SIN3A: variants seen among roughly 807,000 people sequenced by gnomAD.
SIN3A encodes the protein paired amphipathic helix protein Sin3a.
Under a neutral mutation model 146.1 loss-of-function variants are expected in SIN3A, and 14 were observed. The observed-to-expected ratio is 0.10, with a 90% CI of 0.06 to 0.15. The LOEUF (loss-of-function observed/expected upper bound fraction) is 0.15, where lower values mean the gene tolerates loss of function less well. SIN3A is among the 10% of genes least tolerant of loss of function. The pLI is 1.00. For synonymous variants in SIN3A, 572 were observed against 572.0 expected (o/e 1.00, Z 0.00); for missense variants, 1,028 against 1,576.0 (o/e 0.65, Z 5.89).
At chr15:75,417,250 T>C (rs1191568539) in intron 3 of SIN3A, among the ~76,000 whole-genome samples, 2 of 152,172 alleles carry the variant, frequency 1.3e-5, no homozygotes, top group Admixed American at 6.5e-5. Context: ...TGTTTCCTAT[T>C]TACTCTGAGA....
intron 20 of SIN3A, among the ~76,000 whole-genome samples, chr15:75,374,369 C>T (rs1023419932): frequency 6.6e-6 from 1 of 152,194 alleles, no homozygotes; most frequent in Non-Finnish European, 1.5e-5. Context: ...GTTTGAGACA[C>T]AGCGAAACTC....
intron 3 of SIN3A, among the ~76,000 whole-genome samples, chr15:75,417,906 C>G (rs1040250652): frequency 6.6e-6 from 1 of 152,170 alleles, no homozygotes; most frequent in Admixed American, 6.5e-5. Context: ...TTAGTCCCTT[C>G]GGCCCTTCTC....
chr15:75,430,223 A>G lies in SIN3A; in HGVS notation c.153T>C (p.Ala51=), dbSNP rs746384066. ...GTGTTACAGAGTACTGAATTCCCGT[A>G]GCTGACTGCATGGTCTCAGACACTG... ...YEAVSETMQS[A]TGIQYSVTPS... is the part of the protein sequence containing the mutation. The change falls in exon 2 of 21, where the codon GCT becomes GCC. Residue 51 remains alanine, a synonymous_variant. Transcript: ENST00000394947. 6.2e-6 allele frequency: 10 copies of G among 1,614,056 alleles called. No individual in the cohort carries two copies. In the African/African-American group the frequency reaches 1.3e-4, roughly 22 times the overall value.
intron 1 of SIN3A, among the ~76,000 whole-genome samples, chr15:75,443,117 TG>T (rs1465791721): frequency 6.6e-6 from 1 of 152,040 alleles, no homozygotes; most frequent in Non-Finnish European, 1.5e-5. Flanking sequence ...CATGCCTGGC[TG>T]AAGACTCTTA....
chr15:75,409,802 A>C, intron 8 of SIN3A, 34 bp downstream of exon 8: 1 of 1,603,220 alleles, frequency 6.2e-7, no homozygotes, highest in South Asian at 1.1e-5. Flanking sequence ...AATACTTGTG[A>C]GTGTCAAAAT....
chr15:75,408,324 A>G (rs1209409186), intron 8 of SIN3A, among the ~76,000 whole-genome samples: 1 of 152,262 alleles, frequency 6.6e-6, no homozygotes, highest in African/African-American at 2.4e-5. Context: ...ACTTGATTTC[A>G]AAAGATTTCA....
intron 4 of SIN3A, among the ~76,000 whole-genome samples, chr15:75,413,614 G>A (rs1039727855): frequency 1.3e-5 from 2 of 150,886 alleles, no homozygotes; most frequent in African/African-American, 4.9e-5. Context: ...CACAATCTCG[G>A]CACACTGCAG....
At chr15:75,452,831 G>A (rs2074431511), upstream of SIN3A, 1 of 152,282 alleles carries the variant, frequency 6.6e-6, no homozygotes. Context: ...CTCAGAGAAT[G>A]GATAAAATTT....
intron 3 of SIN3A, among the ~76,000 whole-genome samples, chr15:75,414,959 T>C (rs2073706306): frequency 6.6e-6 from 1 of 151,944 alleles, no homozygotes; most frequent in Non-Finnish European, 1.5e-5. Context: ...GGATCTGTAG[T>C]GAAGAGGAAG....
rs758228524 is a variant in SIN3A, at chr15:75,411,604, T to C, written c.896A>G (p.Asn299Ser). Reference protein sequence around the residue: ...SLGTAPSLQNNQPVEFNHAIN... With the variant: ...SLGTAPSLQNSQPVEFNHAIN... ...GGCATGATTAAACTCCACAGGTTGA[T>C]TGTTCTGCAAGGATGGGGCCGTTCC... Residue 299 changes from asparagine (N) to serine (S), a missense_variant, in exon 6 of 21, where the codon AAT (asparagine) becomes AGT (serine). By Grantham distance (46) the Asn-to-Ser change is conservative. Transcript: ENST00000394947. The C allele has an allele frequency of 2.5e-6, 4 of 1,614,058 alleles. No individual in the cohort carries two copies. Among genetic ancestry groups the C allele is most frequent in the East Asian group, 2.2e-5 (1 of 44,888 alleles).
At chr15:75,389,622 T>C (rs1481960635) in intron 16 of SIN3A, 30 bp downstream of exon 16, 1 of 1,609,796 alleles carries the variant, frequency 6.2e-7, no homozygotes, top group Non-Finnish European at 8.5e-7. Flanking sequence ...TTTCTTCCCT[T>C]ACTCACCCTA....
chr15:75,447,914 C>CT (rs1315795555), intron 1 of SIN3A: 1 of 152,206 alleles, frequency 6.6e-6, no homozygotes, highest in Non-Finnish European at 1.5e-5. Context: ...TGACTCACGT[C>CT]TTAATCCTAG....
intron 14 of SIN3A, among the ~76,000 whole-genome samples, chr15:75,393,320 ATACAGG>A (rs1232787759): frequency 6.6e-6 from 1 of 152,184 alleles, no homozygotes. Context: ...TGATGTCAAA[ATACAGG>A]TACCTTCTAC....
At chr15:75,377,254 C>T (rs1171930057) in intron 19 of SIN3A, among the ~76,000 whole-genome samples, 1 of 152,148 alleles carries the variant, frequency 6.6e-6, no homozygotes, top group Admixed American at 6.5e-5. Flanking sequence ...CACCTTCATG[C>T]GACTGCAATT....
At chr15:75,405,354 G>T (rs149128272) in intron 9 of SIN3A, among the ~76,000 whole-genome samples, 2 of 148,620 alleles carry the variant, frequency 1.3e-5, no homozygotes, top group East Asian at 3.9e-4. Flanking sequence ...CAACAAGAGC[G>T]AGACTCTGTC....
chr15:75,404,652 C>G (rs980660387), intron 9 of SIN3A, among the ~76,000 whole-genome samples: 1 of 151,532 alleles, frequency 6.6e-6, no homozygotes, highest in Non-Finnish European at 1.5e-5. Context: ...CCCAGCTACT[C>G]GGGAGGCTGA....
upstream of SIN3A, among the ~76,000 whole-genome samples, chr15:75,452,071 T>A (rs2074420576): frequency 6.6e-6 from 1 of 152,168 alleles, no homozygotes; most frequent in African/African-American, 2.4e-5. Flanking sequence ...GGTCATCGCA[T>A]TGGAAGGCTA....
chr15:75,444,742 T>C (rs143345941), intron 1 of SIN3A, among the ~76,000 whole-genome samples: 315 of 152,256 alleles, frequency 2.1e-3, no homozygotes, highest in African/African-American at 7.1e-3. Flanking sequence ...AGGTAGAAAA[T>C]GAACAGAAAT....
intron 19 of SIN3A, 89 bp from the exon 20 acceptor site, chr15:75,375,961 T>A: frequency 7.9e-7 from 1 of 1,263,312 alleles, no homozygotes. Flanking sequence ...ATTATATGCT[T>A]GCATAGTACT....
Sources: allele counts gnomAD v4.1 joint callset (sites outside exome capture counted in the v4.1 genomes callset), GRCh38; gene constraint gnomAD v4.1.1; transcripts MANE v1.5; gene names NCBI Gene and HGNC (gene_info 2026-07-23, HGNC 2026-07-21).